The following LRP1B variants were observed in gnomAD, a reference collection of about 807,000 sequenced individuals.
LRP1B encodes LDL receptor related protein 1B, also known as low-density lipoprotein receptor-related protein 1B.
In LRP1B, 217 loss-of-function variants were observed where a neutral mutation model predicts 556.6. The observed-to-expected ratio is 0.39, with a 90% CI of 0.35 to 0.44. LRP1B has a LOEUF of 0.44. Among genes scored for constraint, LRP1B ranks in the 20% least tolerant of loss-of-function variants. The probability of loss-of-function intolerance (pLI) is 1.00; values close to 1 mark genes in which losing one functional copy is unlikely to be tolerated. For synonymous variants in LRP1B, 2,047 were observed against 1,865.8 expected, an observed-to-expected ratio of 1.10 and a Z score of -2.50; for missense variants, 5,053 against 5,620.8, an observed-to-expected ratio of 0.90 and a Z score of 3.23.
At chr2:141,117,066 G>A (rs763730741) in intron 7 of LRP1B, among the ~76,000 whole-genome samples, 3 of 151,770 alleles carry the variant, frequency 2.0e-5, no homozygotes, top group African/African-American at 7.3e-5. Context: ...TATTAATAAC[G>A]ATTACAAGCA....
At chr2:140,485,220 T>G (rs1248819829) in intron 59 of LRP1B, 123 bp downstream of exon 59, 2 of 566,072 alleles carry the variant, frequency 3.5e-6, no homozygotes, top group African/African-American at 3.9e-5. Context: ...TATTTCTAAG[T>G]GAGAATTTCT....
At chr2:140,773,974 A>T (rs1325008833) in intron 33 of LRP1B, among the ~76,000 whole-genome samples, 1 of 152,098 alleles carries the variant, frequency 6.6e-6, no homozygotes, top group Non-Finnish European at 1.5e-5. Flanking sequence ...TCATGCCCCA[A>T]ATCTCTAGTG....
chr2:140,332,407 G>T (rs1438020858), intron 79 of LRP1B, among the ~76,000 whole-genome samples: 1 of 151,990 alleles, frequency 6.6e-6, no homozygotes, highest in Non-Finnish European at 1.5e-5. Flanking sequence ...GTAATACATG[G>T]AAAGTGTCAG....
At chr2:141,795,857 A>ATATATAT (rs1695786588) in intron 2 of LRP1B, among the ~76,000 whole-genome samples, 1 of 51,610 alleles carries the variant, frequency 1.9e-5, no homozygotes, top group Non-Finnish European at 3.7e-5. Context: ...AACCAGGAGC[A>ATATATAT]ATATATATAT....
At chr2:141,125,839 A>G (rs1282568940) in intron 7 of LRP1B, among the ~76,000 whole-genome samples, 1 of 103,358 alleles carries the variant, frequency 9.7e-6, no homozygotes, top group East Asian at 2.5e-4. Flanking sequence ...AACTCCTTTC[A>G]AATGCAAAAA....
chr2:141,586,958 A>G (rs1016712545), intron 2 of LRP1B, among the ~76,000 whole-genome samples: 5 of 151,704 alleles, frequency 3.3e-5, no homozygotes, highest in African/African-American at 1.2e-4. Flanking sequence ...AAAAGAAAAA[A>G]AAAAAAAGAA....
At chr2:140,795,422 T>G (rs770776807) in intron 32 of LRP1B, among the ~76,000 whole-genome samples, 1 of 152,150 alleles carries the variant, frequency 6.6e-6, no homozygotes, top group Non-Finnish European at 1.5e-5. Context: ...AGTTATGAGC[T>G]CTTCTTTTAT....
At chr2:141,088,784 G>T (rs1188835555) in intron 7 of LRP1B, among the ~76,000 whole-genome samples, 3 of 152,032 alleles carry the variant, frequency 2.0e-5, no homozygotes, top group African/African-American at 7.2e-5. Flanking sequence ...GCTTCAAATG[G>T]GAAAATAAAC....
intron 41 of LRP1B, among the ~76,000 whole-genome samples, chr2:140,647,984 G>A (rs796592427): frequency 4.6e-5 from 7 of 152,284 alleles, no homozygotes; most frequent in African/African-American, 1.7e-4. Context: ...AAAGACATGT[G>A]CACATGTATG....
At chr2:140,480,955 C>A (rs2105355736) in intron 59 of LRP1B, among the ~76,000 whole-genome samples, 1 of 152,128 alleles carries the variant, frequency 6.6e-6, no homozygotes, top group East Asian at 1.9e-4. Flanking sequence ...CAACGTCCAC[C>A]TCCTGGGTTC....
intron 77 of LRP1B, among the ~76,000 whole-genome samples, chr2:140,348,905 A>G (rs1385194443): frequency 6.6e-6 from 1 of 152,252 alleles, no homozygotes; most frequent in East Asian, 1.9e-4. Flanking sequence ...ACCAGGGACC[A>G]GTTTCATGGA....
chr2:140,991,507 C>T (rs746722437), intron 16 of LRP1B, among the ~76,000 whole-genome samples: 4 of 152,078 alleles, frequency 2.6e-5, no homozygotes, highest in Non-Finnish European at 5.9e-5. Flanking sequence ...TGTGTAACTG[C>T]TTATTGCCTC....
chr2:141,097,357 A>G (rs1055638218), intron 7 of LRP1B, among the ~76,000 whole-genome samples: 1 of 152,130 alleles, frequency 6.6e-6, no homozygotes, highest in Admixed American at 6.6e-5. Context: ...AATACCTATC[A>G]TTTTCTCTAC....
intron 2 of LRP1B, among the ~76,000 whole-genome samples, chr2:141,806,975 A>G (rs1008846143): frequency 6.6e-6 from 1 of 152,138 alleles, no homozygotes; most frequent in Non-Finnish European, 1.5e-5. Context: ...TTTTGTAGAT[A>G]CAACATACTT....
intron 18 of LRP1B, among the ~76,000 whole-genome samples, chr2:140,973,694 A>T (rs540259556): frequency 1.3e-5 from 2 of 152,212 alleles, no homozygotes; most frequent in African/African-American, 4.8e-5. Context: ...GCCCAGTATG[A>T]TCTGTTGTAA....
intron 2 of LRP1B, among the ~76,000 whole-genome samples, chr2:141,728,601 T>C (rs1201407949): frequency 1.3e-5 from 2 of 152,182 alleles, no homozygotes; most frequent in Non-Finnish European, 2.9e-5. Flanking sequence ...CACAGACTTA[T>C]TCCTGAAATT....
At chr2:141,179,152 G>C (rs1389449632) in intron 7 of LRP1B, among the ~76,000 whole-genome samples, 1 of 151,852 alleles carries the variant, frequency 6.6e-6, no homozygotes, top group Admixed American at 6.6e-5. Flanking sequence ...GAAAATTTTT[G>C]TTTTTGCAGA....
At chr2:141,403,401 A>T (rs1690516981) in intron 3 of LRP1B, among the ~76,000 whole-genome samples, 1 of 152,108 alleles carries the variant, frequency 6.6e-6, no homozygotes, top group Non-Finnish European at 1.5e-5. Context: ...TTTACAAAAA[A>T]CTCAATAAAG....
chr2:142,052,095 A>T (rs1465177949), intron 1 of LRP1B, among the ~76,000 whole-genome samples: 1 of 152,110 alleles, frequency 6.6e-6, no homozygotes, highest in Non-Finnish European at 1.5e-5. Flanking sequence ...AATTTTGAAA[A>T]ATCAAACAAC....
Sources: gnomAD v4.1 joint callset for allele counts (sites outside exome capture counted in the v4.1 genomes callset) on GRCh38, gnomAD v4.1.1 for gene constraint, MANE v1.5 for transcripts, NCBI Gene and HGNC (gene_info 2026-07-23, HGNC 2026-07-21) for gene names.